COL6A6: variants seen among roughly 807,000 people sequenced by gnomAD.
COL6A6 encodes the protein collagen type VI alpha 6 chain, also known as collagen alpha-6(VI) chain.
COL6A6 carries 183 observed loss-of-function variants against 208.6 expected under a neutral mutation model. That is an observed-to-expected ratio of 0.88 (90% confidence interval 0.78 to 0.99). The LOEUF is 0.99. Among genes scored for constraint, COL6A6 ranks in the 50% least tolerant of loss-of-function variants. The pLI is 0.00. For synonymous variants in COL6A6, 973 were observed against 1,011.8 expected, an observed-to-expected ratio of 0.96 and a Z score of 0.73; for missense variants, 2,816 against 2,815.2, an observed-to-expected ratio of 1.00 and a Z score of -0.01.
At position 130,662,064 on chromosome 3, in the gene COL6A6, T is replaced by C; in HGVS notation, c.6258T>C (p.Phe2086=). ...TPNLRRNKVI[F]VISAGETSHL... is the part of the protein sequence containing the mutation. ...ATCTGAGAAGAAACAAAGTCATATT[T>C]GTGATATCTGCTGGGGAAACCAGCC... Residue 2086 remains phenylalanine, a synonymous_variant, in exon 35 of 37, where the codon TTT becomes TTC. Transcript: ENST00000358511. The C allele has an allele frequency of 6.2e-7, 1 of 1,614,026 alleles. No individual in the cohort carries two copies. Among genetic ancestry groups the C allele is most frequent in the Non-Finnish European group, 8.5e-7 (1 of 1,179,892 alleles).
At chr3:130,598,277 G>C in intron 18 of COL6A6, 88 bp from the exon 19 acceptor site, 2 of 854,738 alleles carry the variant, frequency 2.3e-6, no homozygotes, top group Non-Finnish European at 1.8e-6. Flanking sequence ...TCAACTTCTC[G>C]AGAGTTAGCT....
intron 18 of COL6A6, 155 bp downstream of exon 18, chr3:130,594,498 C>T (rs2063797417): frequency 1.6e-6 from 1 of 615,350 alleles, no homozygotes; most frequent in African/African-American, 1.9e-5. Context: ...TGTGCTAGAT[C>T]CTCTTCATAT....
intron 33 of COL6A6, among the ~76,000 whole-genome samples, chr3:130,650,477 C>T (rs1038267802): frequency 3.9e-5 from 6 of 152,146 alleles, no homozygotes; most frequent in South Asian, 2.1e-4. Context: ...AAAAATTAGC[C>T]GGGCGCGATG....
At chr3:130,600,213 C>G (rs1241491801) in intron 20 of COL6A6, among the ~76,000 whole-genome samples, 2 of 152,148 alleles carry the variant, frequency 1.3e-5, no homozygotes, top group African/African-American at 2.4e-5. Flanking sequence ...AGTCAAGAAA[C>G]AATAGATGCT....
chr3:130,596,015 C>G (rs1392427451), intron 18 of COL6A6, among the ~76,000 whole-genome samples: 1 of 152,176 alleles, frequency 6.6e-6, no homozygotes, highest in Non-Finnish European at 1.5e-5. Context: ...ACCTGGGAAT[C>G]TCATGAGGAT....
chr3:130,584,806 G>A (rs551524534), intron 10 of COL6A6, among the ~76,000 whole-genome samples: 71 of 151,868 alleles, frequency 4.7e-4, no homozygotes, highest in Non-Finnish European at 9.4e-4. Flanking sequence ...AGTAGAGATG[G>A]GGTTTCACTG....
At chr3:130,593,363 T>C in intron 17 of COL6A6, 111 bp downstream of exon 17, 2 of 819,042 alleles carry the variant, frequency 2.4e-6, no homozygotes, top group Non-Finnish European at 4.1e-6. Context: ...GTGACAGTCA[T>C]AAAACCTCAA....
At chr3:130,554,684 T>A (rs1337765913) in intron 1 of COL6A6, among the ~76,000 whole-genome samples, 1 of 151,970 alleles carries the variant, frequency 6.6e-6, no homozygotes, top group Middle Eastern at 3.2e-3. Context: ...CACCATAAGG[T>A]GTACACATCC....
At position 130,675,715 on chromosome 3, in the gene COL6A6, T is replaced by C. The variant is rs1333743655; in HGVS notation, c.*318T>C. On this transcript the variant is annotated 3_prime_UTR_variant, in exon 37 of 37. Transcript: ENST00000358511. ...ATGCATATGTGTACATGGGTCAATG[T>C]TAATTCTTTTATCTCTGTCCAGTTC... 1 of 192,898 alleles carries C rather than the reference T, an allele frequency of 5.2e-6. No homozygotes were observed. The highest frequency in any genetic ancestry group is 1.1e-5 in the Non-Finnish European group (1 of 95,026). 11.9% of individuals were successfully genotyped at this position (192,898 alleles called of 1,614,324 possible). A position where few individuals can be genotyped will look rare whatever the true frequency, so the allele number is the denominator to read the frequency against.
chr3:130,523,468 G>A (rs1711200703), intron 1 of COL6A6, among the ~76,000 whole-genome samples: 1 of 152,160 alleles, frequency 6.6e-6, no homozygotes, highest in African/African-American at 2.4e-5. Flanking sequence ...CTTACTAGCT[G>A]ATGATCATGG....
chr3:130,584,604 T>A (rs958362602), intron 10 of COL6A6, among the ~76,000 whole-genome samples: 2 of 152,054 alleles, frequency 1.3e-5, no homozygotes, highest in Non-Finnish European at 2.9e-5. Flanking sequence ...TTTTTATTTT[T>A]TTTATTTTTT....
chr3:130,567,451 A>G (rs1292233671), intron 5 of COL6A6, among the ~76,000 whole-genome samples, 189 bp downstream of exon 5: 1 of 152,236 alleles, frequency 6.6e-6, no homozygotes, highest in African/African-American at 2.4e-5. Flanking sequence ...TCTGAAGCAT[A>G]AGAAAAATAT....
At position 130,628,115 on chromosome 3, in the gene COL6A6, C is replaced by A. The variant is rs377717945; in HGVS notation, c.4992+746C>A. Among the ~76,000 whole-genome samples, 45 of 152,078 alleles carry A rather than the reference C, an allele frequency of 3.0e-4. 1 individual carries two copies. Among genetic ancestry groups the A allele is most frequent in the Admixed American group, 1.2e-3 (18 of 15,282 alleles). On this transcript the variant is annotated intron_variant, in intron 26 of 36. Coordinates refer to ENST00000358511, the MANE Select transcript of COL6A6 (RefSeq NM_001102608.3). The stretch of plus-strand genomic sequence containing the variant: ...AACATAATTCCAAGTGAAATCCCAA[C>A]GGGAATAATGCAAGAGGCCATCTGG...
intron 23 of COL6A6, among the ~76,000 whole-genome samples, chr3:130,612,697 G>A (rs1000233735): frequency 6.6e-6 from 1 of 152,078 alleles, no homozygotes; most frequent in Admixed American, 6.6e-5. Context: ...ATGAGAATGA[G>A]GCCCCTCTGG....
chr3:130,568,511 G>T lies in COL6A6; in HGVS notation c.2308G>T (p.Gly770Trp). The T allele has an allele frequency of 1.9e-6, 3 of 1,613,444 alleles. No individual in the cohort carries two copies. Among genetic ancestry groups the T allele is most frequent in the Non-Finnish European group, 2.5e-6 (3 of 1,179,876 alleles). The change falls in exon 6 of 37, where the codon GGG becomes TGG. Residue 770 changes from glycine (G) to tryptophan (W), a missense_variant. Coordinates refer to ENST00000358511, the MANE Select transcript of COL6A6 (RefSeq NM_001102608.3). ...TGTCACCCAGCTTGAGGAGATCAGTGGGAGGCCCGAGATGGTTTTTTATGT... is the reference window on the plus strand; with the variant it reads ...TGTCACCCAGCTTGAGGAGATCAGTTGGAGGCCCGAGATGGTTTTTTATGT... The part of the protein sequence containing the change: ...SNVTQLEEIS[G>W]RPEMVFYVEN...
At chr3:130,601,969 T>C (rs1308079711) in intron 20 of COL6A6, among the ~76,000 whole-genome samples, 2 of 152,080 alleles carry the variant, frequency 1.3e-5, no homozygotes. Flanking sequence ...AAAAAACTGG[T>C]GAGCAAAATC....
intron 1 of COL6A6, among the ~76,000 whole-genome samples, chr3:130,555,624 C>T (rs1479086021): frequency 6.6e-6 from 1 of 152,070 alleles, no homozygotes; most frequent in East Asian, 1.9e-4. Context: ...TTTAACATTT[C>T]CCCATTAGGA....
chr3:130,657,192 C>T (rs1181305741), intron 33 of COL6A6, among the ~76,000 whole-genome samples: 1 of 152,234 alleles, frequency 6.6e-6, no homozygotes, highest in Admixed American at 6.5e-5. Context: ...GGGCTTCCAC[C>T]TGTTCCCAGC....
At chr3:130,627,264 A>G in intron 25 of COL6A6, 55 bp from the exon 26 acceptor site, 2 of 1,524,096 alleles carry the variant, frequency 1.3e-6, no homozygotes, top group African/African-American at 1.4e-5. Context: ...CTTGAAGAAT[A>G]AGCCTGTCTC....
Sources: gnomAD v4.1 joint callset for allele counts (sites outside exome capture counted in the v4.1 genomes callset) on GRCh38, gnomAD v4.1.1 for gene constraint, MANE v1.5 for transcripts, NCBI Gene and HGNC (gene_info 2026-07-23, HGNC 2026-07-21) for gene names.